Variants in FSTL5 observed in about 807,000 individuals in gnomAD.
FSTL5 encodes the protein follistatin like 5, also known as follistatin-related protein 5.
A neutral mutation model predicts 89.1 loss-of-function variants in FSTL5; 62 were observed. The ratio of observed to expected loss-of-function variants is 0.70; its 90% CI spans 0.57 to 0.86. The LOEUF (loss-of-function observed/expected upper bound fraction) is 0.86, where lower values mean the gene tolerates loss of function less well. Among genes scored for constraint, FSTL5 ranks in the 40% least tolerant of loss-of-function variants. FSTL5 has a pLI of 0.00. For missense variants in FSTL5, 1,057 were observed against 1,001.6 expected (o/e 1.06, Z -0.75); for synonymous variants, 383 against 346.2 (o/e 1.11, Z -1.18).
At chr4:161,735,394 T>G (rs1425728230) in intron 6 of FSTL5, among the ~76,000 whole-genome samples, 1 of 152,172 alleles carries the variant, frequency 6.6e-6, no homozygotes, top group Admixed American at 6.5e-5. Flanking sequence ...TAATTAAACA[T>G]TGACCATTGG....
intron 6 of FSTL5, among the ~76,000 whole-genome samples, chr4:161,669,425 G>A (rs2126696268): frequency 6.6e-6 from 1 of 152,230 alleles, no homozygotes; most frequent in East Asian, 1.9e-4. Context: ...AGGCAGTGTG[G>A]CACTGGTGAA....
At chr4:161,981,530 T>C (rs1423398490) in intron 3 of FSTL5, among the ~76,000 whole-genome samples, 1 of 152,178 alleles carries the variant, frequency 6.6e-6, no homozygotes, top group Non-Finnish European at 1.5e-5. Flanking sequence ...CTTTTGAAAT[T>C]GACATGTATA....
chr4:162,129,401 A>G (rs2111453973), intron 1 of FSTL5, among the ~76,000 whole-genome samples: 1 of 152,374 alleles, frequency 6.6e-6, no homozygotes, highest in East Asian at 1.9e-4. Context: ...TAATATCTCC[A>G]AACAAATCTC....
intron 2 of FSTL5, among the ~76,000 whole-genome samples, chr4:162,066,249 G>GAATTTTGCCT (rs1478598071): frequency 6.6e-6 from 1 of 150,578 alleles, no homozygotes; most frequent in Non-Finnish European, 1.5e-5. Context: ...TATCTATTAA[G>GAATTTTGCCT]AATTTTGCCT....
intron 7 of FSTL5, among the ~76,000 whole-genome samples, chr4:161,604,663 A>G (rs534381626): frequency 6.6e-6 from 1 of 152,250 alleles, no homozygotes; most frequent in Admixed American, 6.5e-5. Context: ...ACAGGAGGAC[A>G]TTTTTAATGG....
intron 3 of FSTL5, among the ~76,000 whole-genome samples, chr4:161,948,649 T>C (rs926130274): frequency 6.6e-6 from 1 of 151,926 alleles, no homozygotes; most frequent in Non-Finnish European, 1.5e-5. Flanking sequence ...GGTTTCACCA[T>C]GTTGTCCAGG....
At chr4:161,510,934 G>A (rs1008373282) in intron 10 of FSTL5, among the ~76,000 whole-genome samples, 4 of 152,024 alleles carry the variant, frequency 2.6e-5, no homozygotes, top group South Asian at 2.1e-4. Flanking sequence ...AAGAGTATAT[G>A]TTTTTACTGT....
At chr4:161,898,723 G>A (rs369060428) in intron 4 of FSTL5, among the ~76,000 whole-genome samples, 1,615 of 147,588 alleles carry the variant, frequency 0.011, 26 homozygotes, top group African/African-American at 0.039. Context: ...TCCGCCTCCC[G>A]GGTTCATGCC....
Position 162,094,735 on chromosome 4 carries a change from A to G in FSTL5, c.126+16536T>C, listed in dbSNP as rs1021141138. Reference sequence around the variant, plus strand: ...AGAAGATGGTATTTCAACAGTATATAGTAATTAGTCAGAAGTGGCAAGAGT... The same window carrying G: ...AGAAGATGGTATTTCAACAGTATATGGTAATTAGTCAGAAGTGGCAAGAGT... On this transcript the variant is annotated intron_variant, in intron 2 of 15. Coordinates refer to ENST00000306100, the MANE Select transcript of FSTL5 (RefSeq NM_020116.5). Among the ~76,000 whole-genome samples the G allele has an allele frequency of 1.1e-4, 16 of 152,296 alleles. No homozygotes were observed. In the East Asian group the frequency reaches 3.1e-3, roughly 29 times the overall value.
chr4:161,533,988 T>C (rs1477175409), intron 10 of FSTL5, among the ~76,000 whole-genome samples: 1 of 151,692 alleles, frequency 6.6e-6, no homozygotes, highest in African/African-American at 2.4e-5. Context: ...GACCATATGA[T>C]CTCCCAAGAG....
chr4:161,728,719 A>T (rs1000885292), intron 6 of FSTL5, among the ~76,000 whole-genome samples: 1 of 152,144 alleles, frequency 6.6e-6, no homozygotes, highest in African/African-American at 2.4e-5. Context: ...TTTGGGTGTA[A>T]TTAAGATGTG....
At chr4:161,389,668 G>A (rs985825364) in intron 15 of FSTL5, among the ~76,000 whole-genome samples, 1 of 152,020 alleles carries the variant, frequency 6.6e-6, no homozygotes, top group Non-Finnish European at 1.5e-5. Flanking sequence ...TGACTTCCAC[G>A]AGTTCCAATT....
chr4:161,971,056 T>TG (rs34647791), intron 3 of FSTL5, among the ~76,000 whole-genome samples: 49,831 of 151,900 alleles, frequency 0.33, 9,868 homozygotes, highest in Non-Finnish European at 0.43. Context: ...GAAACAATAA[T>TG]GATTTCCTAC....
chr4:161,471,896 G>A (rs897001204), intron 13 of FSTL5, among the ~76,000 whole-genome samples: 22 of 151,744 alleles, frequency 1.4e-4, no homozygotes, highest in Admixed American at 1.4e-3. Context: ...TAATAGTAAT[G>A]GCCCCGCATT....
At chr4:161,458,594 A>G (rs16999322) in intron 14 of FSTL5, among the ~76,000 whole-genome samples, 15,019 of 152,244 alleles carry the variant, frequency 0.099, 842 homozygotes, top group South Asian at 0.21. Context: ...AAGCATTTTG[A>G]AAAATACTGT....
At chr4:161,957,278 C>G (rs139358033) in intron 3 of FSTL5, among the ~76,000 whole-genome samples, 1 of 151,876 alleles carries the variant, frequency 6.6e-6, no homozygotes, top group East Asian at 1.9e-4. Flanking sequence ...AAAATTATAG[C>G]ACCCTAACTT....
intron 4 of FSTL5, among the ~76,000 whole-genome samples, chr4:161,868,839 A>G (rs1161989747): frequency 6.6e-6 from 1 of 152,168 alleles, no homozygotes; most frequent in Non-Finnish European, 1.5e-5. Flanking sequence ...CATTTCCTTT[A>G]ACCATCTTCT....
intron 8 of FSTL5, among the ~76,000 whole-genome samples, chr4:161,581,331 C>G (rs1041419090): frequency 2.6e-5 from 4 of 152,146 alleles, no homozygotes; most frequent in African/African-American, 9.7e-5. Flanking sequence ...CTAGGGTAAC[C>G]CTCTAGCTTC....
intron 5 of FSTL5, among the ~76,000 whole-genome samples, chr4:161,769,991 G>C (rs895767348): frequency 6.6e-6 from 1 of 151,842 alleles, no homozygotes; most frequent in Non-Finnish European, 1.5e-5. Flanking sequence ...AATGGATAAA[G>C]AAAATGTGGC....
Sources: allele counts gnomAD v4.1 joint callset (sites outside exome capture counted in the v4.1 genomes callset), GRCh38; gene constraint gnomAD v4.1.1; transcripts MANE v1.5; gene names NCBI Gene and HGNC (gene_info 2026-07-23, HGNC 2026-07-21).